The following TRIM67 variants were observed in gnomAD, a reference collection of about 807,000 sequenced individuals.
The protein encoded by TRIM67 is tripartite motif-containing protein 67.
Under a neutral mutation model 71.0 loss-of-function variants are expected in TRIM67, and 39 were observed. The observed-to-expected ratio is 0.55, with a 90% confidence interval of 0.43 to 0.72. The LOEUF (loss-of-function observed/expected upper bound fraction) is 0.72. Among genes scored for constraint, TRIM67 ranks in the 30% least tolerant of loss-of-function variants. The pLI is 0.00. For missense variants in TRIM67, 973 were observed against 1,079.2 expected (o/e 0.90, Z 1.38); for synonymous variants, 481 against 473.9 (o/e 1.01, Z -0.19).
intron 1 of TRIM67, among the ~76,000 whole-genome samples, chr1:231,193,631 T>C (rs1683294450): frequency 6.6e-6 from 1 of 151,042 alleles, no homozygotes; most frequent in African/African-American, 2.4e-5. Context: ...GTCTGGGTCA[T>C]TTATAAAGAA....
Position 231,219,539 on chromosome 1 carries a change from A to C in TRIM67, c.*4099A>C, listed in dbSNP as rs992498964. On this transcript the variant is annotated 3_prime_UTR_variant, in exon 10 of 10. Coordinates refer to ENST00000366653, the MANE Select transcript of TRIM67 (RefSeq NM_001004342.5). ...GGGGAAAATGGGGTGAGCCACCTCC[A>C]ACAGATGCCAACCTGTTGGGTCTTG... is the stretch of plus-strand genomic sequence containing the variant. 27 of 1,085,074 alleles carry C rather than the reference A, an allele frequency of 2.5e-5. No individual in the cohort carries two copies. Among genetic ancestry groups the C allele is most frequent in the Admixed American group, 4.9e-5 (1 of 20,334 alleles). The allele number at this position is 1,085,074 out of a possible 1,614,324, so 67.2% of individuals were successfully genotyped here. A position where few individuals can be genotyped will look rare whatever the true frequency, so the allele number is the denominator to read the frequency against.
At chr1:231,204,528 G>C (rs764033548) in intron 6 of TRIM67, among the ~76,000 whole-genome samples, 3 of 152,112 alleles carry the variant, frequency 2.0e-5, no homozygotes, top group Non-Finnish European at 4.4e-5. Flanking sequence ...GGCAATAAAG[G>C]TTCTTAGTGA....
Position 231,200,162 on chromosome 1 carries a change from G to A in TRIM67, c.1278G>A (p.Gln426=). ...TTCCATTGCAGATGGTTTGGGACCA[G>A]ATCAATCACTGCACATTGAAGCTGC... ...REHKLKMVWD[Q]INHCTLKLRQ... is the part of the protein sequence containing the mutation. The change falls in exon 4 of 10, where the codon CAG becomes CAA. Residue 426 remains glutamine (Q), a synonymous_variant. Transcript: ENST00000366653. 6.2e-7 allele frequency: 1 copy of A among 1,613,740 alleles called. No individual in the cohort carries two copies.
intron 1 of TRIM67, among the ~76,000 whole-genome samples, chr1:231,169,368 CTTTTT>C (rs775082418): frequency 3.7e-5 from 3 of 81,658 alleles, no homozygotes; most frequent in African/African-American, 4.7e-5. Context: ...ATTCTTTTCT[CTTTTT>C]TTTTTTTTTT....
chr1:231,184,449 C>T (rs891812446), intron 1 of TRIM67: 6 of 154,168 alleles, frequency 3.9e-5, no homozygotes, highest in Admixed American at 3.2e-4. Flanking sequence ...ATGTAGGGAA[C>T]CTGCAGTAGG....
At position 231,209,254 on chromosome 1, in the gene TRIM67, C is replaced by T. The variant is rs1240144208; in HGVS notation, c.2123+4C>T. 5 of 1,530,210 alleles carry T rather than the reference C, an allele frequency of 3.3e-6. No individual in the cohort carries two copies. Among genetic ancestry groups the T allele is most frequent in the African/African-American group, 2.7e-5 (2 of 72,986 alleles). The allele number at this position is 1,530,210 out of a possible 1,614,324, so 94.8% of individuals were successfully genotyped here. ...ACTGCAACTCCCACACCAACAGGTG[C>T]GATTGGGCCCCATCCTGCCTCCCGT... On this transcript the variant is annotated splice_donor_region_variant and intron_variant, in intron 8 of 9. Coordinates refer to ENST00000366653, the MANE Select transcript of TRIM67 (RefSeq NM_001004342.5). The surrounding 1 kb of genome is among the most constrained non-coding windows in gnomAD (Gnocchi z 4.1).
chr1:231,163,130 G>A lies in TRIM67; in HGVS notation c.161G>A (p.Gly54Glu), dbSNP rs1044761814. Residue 54 changes from glycine to glutamate, a missense_variant, in exon 1 of 10, where the codon GGA becomes GAA. Physicochemically the swap from Gly to Glu is moderately conservative, Grantham distance 98 (BLOSUM62 -2). Around this residue, in one of 2 missense-constraint regions of TRIM67, gnomAD observed 795 missense variants for 831.3 expected, o/e 0.96. Transcript: ENST00000366653. ...HLPQPLLLSRGSGLQAGAAAA... is the reference protein window; with the variant it reads ...HLPQPLLLSRESGLQAGAAAA... ...CCCCAGCCGCTCCTGCTTTCCCGGGGATCGGGGCTGCAGGCGGGCGCCGCC... is the reference window on the plus strand; with the variant it reads ...CCCCAGCCGCTCCTGCTTTCCCGGGAATCGGGGCTGCAGGCGGGCGCCGCC... 1.9e-6 allele frequency: 3 copies of A among 1,548,678 alleles called. No individual in the cohort carries two copies. Among genetic ancestry groups the A allele is most frequent in the African/African-American group, 2.8e-5 (2 of 71,670 alleles).
chr1:231,213,974 G>A lies in TRIM67; in HGVS notation c.2283G>A (p.Val761=), dbSNP rs373522665. Residue 761 remains valine, a synonymous_variant, in exon 9 of 10, where the codon GTG becomes GTA. Coordinates refer to ENST00000366653, the MANE Select transcript of TRIM67 (RefSeq NM_001004342.5). ...CAGCCCTCAGCCTCAACCGCAACGTGCAGGTACACACCTCCCCAGGGCCGG... is the reference window on the plus strand; with the variant it reads ...CAGCCCTCAGCCTCAACCGCAACGTACAGGTACACACCTCCCCAGGGCCGG... The part of the protein sequence containing the change: ...FMPALSLNRN[V]QVTLHTGLEV... 9 of 1,609,624 alleles carry A rather than the reference G, an allele frequency of 5.6e-6. No individual in the cohort carries two copies. Among genetic ancestry groups the A allele is most frequent in the Non-Finnish European group, 7.6e-6 (9 of 1,177,520 alleles).
Position 231,199,565 on chromosome 1 carries a change from A to G in TRIM67, c.1263+396A>G, listed in dbSNP as rs374673247. 2.0e-4 allele frequency among the ~76,000 whole-genome samples: 30 copies of G among 152,274 alleles called. No individual in the cohort carries two copies. The South Asian group carries it at 3.1e-3, about 16-fold the overall frequency. ...CATGTACTCAACAGTCAGCAATAAC[A>G]TACACAGCCAGTTCCCACCAAGGGA... On this transcript the variant is annotated intron_variant, in intron 3 of 9. Transcript: ENST00000366653.
chr1:231,185,393 C>T (rs577296294), intron 1 of TRIM67, among the ~76,000 whole-genome samples: 1 of 151,952 alleles, frequency 6.6e-6, no homozygotes, highest in Admixed American at 6.5e-5. Flanking sequence ...ACAACCCAAA[C>T]AAGTGGAACC....
At chr1:231,174,878 AT>A (rs1329573470) in intron 1 of TRIM67, among the ~76,000 whole-genome samples, 3 of 151,498 alleles carry the variant, frequency 2.0e-5, no homozygotes, top group African/African-American at 7.4e-5. Flanking sequence ...AATAAACAAA[AT>A]AAGTAGTCTA....
At chr1:231,175,895 A>G (rs1333218698) in intron 1 of TRIM67, among the ~76,000 whole-genome samples, 1 of 152,164 alleles carries the variant, frequency 6.6e-6, no homozygotes, top group African/African-American at 2.4e-5. Context: ...GGTTTGCAAA[A>G]TATCTTCTTT....
intron 1 of TRIM67, among the ~76,000 whole-genome samples, chr1:231,175,630 A>T (rs1378817321): frequency 2.0e-5 from 3 of 152,210 alleles, no homozygotes; most frequent in Non-Finnish European, 2.9e-5. Flanking sequence ...ATCTTTTTAC[A>T]AAGGGCAGTA....
Position 231,216,912 on chromosome 1 carries a change from T to C in TRIM67, c.*1472T>C. The C allele has an allele frequency of 3.0e-6, 3 of 985,510 alleles. No homozygotes were observed. The highest frequency in any genetic ancestry group is 2.4e-6 in the Non-Finnish European group (2 of 829,934). 61.0% of individuals were successfully genotyped at this position (985,510 alleles called of 1,614,324 possible). ...TCCAGCTCCACCTGGTAGTAACATT[T>C]CTCTCTCCTTTTAAAAAGAATATAT... On this transcript the variant is annotated 3_prime_UTR_variant, in exon 10 of 10. Coordinates refer to ENST00000366653, the MANE Select transcript of TRIM67 (RefSeq NM_001004342.5).
At position 231,163,797 on chromosome 1, in the gene TRIM67, C is replaced by G. The variant is rs755587437; in HGVS notation, c.828C>G (p.Ser276Arg). The G allele has an allele frequency of 8.3e-5, 123 of 1,489,876 alleles. No homozygotes were observed. The African/African-American group carries it at 1.6e-3, about 19-fold the overall frequency. 92.3% of individuals were successfully genotyped at this position (1,489,876 alleles called of 1,614,324 possible). A position where few individuals can be genotyped will look rare whatever the true frequency, so the allele number is the denominator to read the frequency against. ...GPTGTAQGAP[S>R]GGGGCKSPGG... ...CTGGCACCGCCCAGGGCGCCCCCAGCGGAGGCGGCGGCTGCAAGAGCCCGG... is the reference window on the plus strand; with the variant it reads ...CTGGCACCGCCCAGGGCGCCCCCAGGGGAGGCGGCGGCTGCAAGAGCCCGG... The change falls in exon 1 of 10, where the codon AGC becomes AGG. Residue 276 changes from serine to arginine, a missense_variant. By Grantham distance (110) the Ser-to-Arg change is moderately radical. This residue lies in a region of TRIM67 where 795 missense variants were observed against 831.3 expected (regional missense o/e 0.96). Transcript: ENST00000366653.
intron 1 of TRIM67, chr1:231,186,128 A>G (rs1196567351): frequency 6.5e-7 from 1 of 1,533,184 alleles, no homozygotes; most frequent in East Asian, 2.4e-5. Context: ...ACATCGGTGA[A>G]TGGATGAAGG....
chr1:231,216,909 A>G lies in TRIM67; in HGVS notation c.*1469A>G. On this transcript the variant is annotated 3_prime_UTR_variant, in exon 10 of 10. Transcript: ENST00000366653. ...ACCTCCAGCTCCACCTGGTAGTAAC[A>G]TTTCTCTCTCCTTTTAAAAAGAATA... 3 of 985,352 alleles carry G rather than the reference A, an allele frequency of 3.0e-6. No individual in the cohort carries two copies. The highest frequency in any genetic ancestry group is 2.4e-6 in the Non-Finnish European group (2 of 829,914). 61.0% of individuals were successfully genotyped at this position (985,352 alleles called of 1,614,324 possible). A position where few individuals can be genotyped will look rare whatever the true frequency, so the allele number is the denominator to read the frequency against.
rs1470931719 is a variant in TRIM67, at chr1:231,213,815, G to A, written c.2124G>A (p.Arg708=). The A allele has an allele frequency of 6.3e-7, 1 of 1,589,870 alleles. No individual in the cohort carries two copies. Among genetic ancestry groups the A allele is most frequent in the Admixed American group, 1.7e-5 (1 of 58,168 alleles). The change falls in exon 9 of 10, where the codon AGG becomes AGA. Residue 708 remains arginine, a splice_region_variant and synonymous_variant. Coordinates refer to ENST00000366653, the MANE Select transcript of TRIM67 (RefSeq NM_001004342.5). The part of the protein sequence containing the change: ...WFMHCNSHTN[R]TEGGVCKGAT... ...GTCTTCCTGGGGACTCTCTTCCCAGGACGGAAGGTGGCGTGTGCAAGGGGG... is the reference window on the plus strand; with the variant it reads ...GTCTTCCTGGGGACTCTCTTCCCAGAACGGAAGGTGGCGTGTGCAAGGGGG...
In TRIM67 at chr1:231,219,384, C is replaced by A. The variant is rs1684088363; in HGVS notation, c.*3944C>A. On this transcript the variant is annotated 3_prime_UTR_variant, in exon 10 of 10. Transcript: ENST00000366653. ...CAGGTTATGCCAGTGGTTTGTCATG[C>A]ATGGATCTGTAGAGGGACTGTGGCG... 1.0e-6 allele frequency: 1 copy of A among 993,488 alleles called. No individual in the cohort carries two copies. Among genetic ancestry groups the A allele is most frequent in the Non-Finnish European group, 1.2e-6 (1 of 835,308 alleles). 61.5% of individuals were successfully genotyped at this position (993,488 alleles called of 1,614,324 possible).
Sources: gnomAD v4.1 joint callset for allele counts (sites outside exome capture counted in the v4.1 genomes callset) on GRCh38, gnomAD v4.1.1 for gene constraint, gnomAD v4.1.1 regional missense constraint, Gnocchi (gnomAD v3.1) non-coding constraint, MANE v1.5 for transcripts, NCBI Gene and HGNC (gene_info 2026-07-23, HGNC 2026-07-21) for gene names.